The following CXADR variants were observed in gnomAD, a reference collection of about 807,000 sequenced individuals.
The protein encoded by CXADR is CXADR cell adhesion molecule.
In CXADR, 20 loss-of-function variants were observed where a neutral mutation model predicts 40.3. That is an observed-to-expected ratio of 0.50 (90% confidence interval 0.35 to 0.72). The LOEUF (loss-of-function observed/expected upper bound fraction) is 0.72. Among genes scored for constraint, CXADR ranks in the 30% least tolerant of loss-of-function variants. The probability of loss-of-function intolerance (pLI) is 0.01; values close to 1 mark genes in which losing one functional copy is unlikely to be tolerated. For synonymous variants in CXADR, 150 were observed against 161.3 expected (o/e 0.93, Z 0.53); for missense variants, 332 against 449.1 (o/e 0.74, Z 2.36).
In CXADR at chr21:17,565,472, G is replaced by T; in HGVS notation, c.878G>T (p.Ser293Ile). The T allele has an allele frequency of 6.2e-7, 1 of 1,613,954 alleles. No individual in the cohort carries two copies. The highest frequency in any genetic ancestry group is 8.5e-7 in the Non-Finnish European group (1 of 1,179,858). The stretch of plus-strand genomic sequence containing the variant: ...AAGAGCCGTACGTCCACTGCCAGAA[G>T]CTACATCGGCAGTAATCATTCATCC... ...PPKSRTSTAR[S>I]YIGSNHSSLG... The change falls in exon 7 of 7, where the codon AGC (serine) becomes ATC (isoleucine). Residue 293 changes from serine to isoleucine, a missense_variant. Coordinates refer to ENST00000284878, the MANE Select transcript of CXADR (RefSeq NM_001338.5).
rs373624775 is a variant in CXADR, at chr21:17,560,863, T to C, written c.694+39T>C. 10 of 1,610,080 alleles carry C rather than the reference T, an allele frequency of 6.2e-6. No homozygotes were observed. In the African/African-American group the frequency reaches 1.3e-4, roughly 22 times the overall value. Reference sequence around the variant, plus strand: ...TTTCTGTTGGTGGTTTTGTTTCTGTTATCTTTATACCACCTCCTTTAGTTC... The same window carrying C: ...TTTCTGTTGGTGGTTTTGTTTCTGTCATCTTTATACCACCTCCTTTAGTTC... On this transcript the variant is annotated intron_variant, in intron 5 of 6. Transcript: ENST00000284878.
chr21:17,604,204 A>G, the CXADR span: 5 of 1,046,468 alleles, frequency 4.8e-6, 1 homozygote, highest in Non-Finnish European at 6.3e-6. Context: ...GCGCTTTGGG[A>G]GGCCAAGGCG....
chr21:17,526,113 A>G (rs1458143712), intron 1 of CXADR, among the ~76,000 whole-genome samples: 3 of 152,202 alleles, frequency 2.0e-5, no homozygotes, highest in South Asian at 2.1e-4. Flanking sequence ...TGCACTAGCC[A>G]TGTTTCAAGT....
chr21:17,568,097 G>A lies in CXADR; in HGVS notation c.*2405G>A, dbSNP rs1313144598. The A allele has an allele frequency of 1.3e-5, 12 of 939,582 alleles. No homozygotes were observed. In the East Asian group the frequency reaches 3.6e-4, roughly 28 times the overall value. The allele number at this position is 939,582 out of a possible 1,614,324, so 58.2% of individuals were successfully genotyped here. On this transcript the variant is annotated 3_prime_UTR_variant, in exon 7 of 7. Transcript: ENST00000284878. ...AACAAAAAATTACTAAAGCATTTCC[G>A]TTAGATCAGTCAAGGACAGTACTGC...
chr21:17,546,990 A>G (rs1449518452), intron 1 of CXADR, 37 bp from the exon 2 acceptor site: 1 of 1,608,926 alleles, frequency 6.2e-7, no homozygotes, highest in Non-Finnish European at 8.5e-7. Flanking sequence ...GTCAGCGTAT[A>G]GCAAATGCTT....
At chr21:17,593,014 G>GGTAA (rs1265252824) in intron 7 of CXADR, 37 of 670,068 alleles carry the variant, frequency 5.5e-5, no homozygotes, top group Non-Finnish European at 7.7e-5. Flanking sequence ...TGATTTTTCT[G>GGTAA]GTAAGTCAAA....
chr21:17,530,659 C>A (rs1299537266), intron 1 of CXADR, among the ~76,000 whole-genome samples: 1 of 151,466 alleles, frequency 6.6e-6, no homozygotes, highest in African/African-American at 2.4e-5. Context: ...ACTAAAAATA[C>A]AAAAATTAGC....
the CXADR span, chr21:17,611,967 C>G: frequency 3.9e-5 from 6 of 152,238 alleles, no homozygotes; most frequent in African/African-American, 7.2e-5. Flanking sequence ...AGCCCCGGCC[C>G]GACCTCAGCG....
rs137965924 is a variant in CXADR, at chr21:17,581,976, C to T, written c.1018-11176C>T. Among the ~76,000 whole-genome samples the T allele has an allele frequency of 5.4e-3, 824 of 151,980 alleles. 4 individuals carry two copies. Among genetic ancestry groups the T allele is most frequent in the African/African-American group, 0.019 (771 of 41,428 alleles). ...TTTGTTTTGACGGCGTTTCACTCTT[C>T]GTTGCCCAGGCTGGAGTGCAGTGGC... On this transcript the variant is annotated intron_variant, in intron 7 of 7. Coordinates refer to the CXADR transcript ENST00000400169.
chr21:17,584,416 A>T (rs1049964408), intron 7 of CXADR, among the ~76,000 whole-genome samples: 1 of 152,230 alleles, frequency 6.6e-6, no homozygotes, highest in African/African-American at 2.4e-5. Flanking sequence ...TCACGTACAC[A>T]TCATCGTGCC....
the CXADR span, among the ~76,000 whole-genome samples, chr21:17,623,707 C>G: frequency 6.6e-6 from 1 of 152,180 alleles, no homozygotes; most frequent in Non-Finnish European, 1.5e-5. Context: ...CCCACAACTC[C>G]CACTAAACTT....
At chr21:17,607,948 T>C in the CXADR span, among the ~76,000 whole-genome samples, 2 of 152,198 alleles carry the variant, frequency 1.3e-5, no homozygotes, top group Admixed American at 1.3e-4. Context: ...ATGTACCTTA[T>C]ACAGCAGAGT....
rs767607873 is a variant in CXADR at position 17,561,406 on chromosome 21, C to T, written c.763C>T (p.Leu255Phe). The change falls in exon 6 of 7, where the codon CTT (leucine) becomes TTT (phenylalanine). Residue 255 changes from leucine (L) to phenylalanine (F), a missense_variant. Physicochemically the swap from Leu to Phe is conservative, Grantham distance 22 (BLOSUM62 0). Transcript: ENST00000284878. ...TTTGCTTGCTCTAGCGCTCATTGGT[C>T]TTATCATCTTTTGCTGTCGTAAAAA... ...GTLLALALIG[L>F]IIFCCRKKRR... 1.4e-5 allele frequency: 22 copies of T among 1,612,174 alleles called. No individual in the cohort carries two copies. The highest frequency in any genetic ancestry group is 1.9e-5 in the Non-Finnish European group (22 of 1,179,042).
At chr21:17,556,980 A>G (rs959204552) in intron 3 of CXADR, among the ~76,000 whole-genome samples, 1 of 152,258 alleles carries the variant, frequency 6.6e-6, no homozygotes, top group Admixed American at 6.5e-5. Flanking sequence ...TCCAGCAGTT[A>G]CTAAGACAAA....
At chr21:17,614,829 A>G in the CXADR span, among the ~76,000 whole-genome samples, 1 of 152,098 alleles carries the variant, frequency 6.6e-6, no homozygotes, top group African/African-American at 2.4e-5. Context: ...TCTCTCATCC[A>G]CTTCCCTTGC....
At chr21:17,619,302 G>A in the CXADR span, among the ~76,000 whole-genome samples, 1 of 152,198 alleles carries the variant, frequency 6.6e-6, no homozygotes. Context: ...GGTGGATCAT[G>A]TAAAACCAGG....
At chr21:17,593,659 C>G (rs2061464635), downstream of CXADR, 1 of 162,940 alleles carries the variant, frequency 6.1e-6, no homozygotes, top group African/African-American at 2.4e-5. Flanking sequence ...GTTGTCATGC[C>G]TCAAACTATT....
At chr21:17,591,077 T>C (rs2061431532) in intron 7 of CXADR, among the ~76,000 whole-genome samples, 1 of 152,078 alleles carries the variant, frequency 6.6e-6, no homozygotes, top group Admixed American at 6.6e-5. Flanking sequence ...AATCTTGGTC[T>C]GATAATGAAC....
chr21:17,530,964 A>G (rs1216732431), intron 1 of CXADR, among the ~76,000 whole-genome samples: 2 of 152,142 alleles, frequency 1.3e-5, no homozygotes, highest in Non-Finnish European at 2.9e-5. Context: ...TAGTTTTCCA[A>G]AGCTAATTGT....
Sources: gnomAD v4.1 joint callset for allele counts (sites outside exome capture counted in the v4.1 genomes callset) on GRCh38, gnomAD v4.1.1 for gene constraint, MANE v1.5 for transcripts, NCBI Gene and HGNC (gene_info 2026-07-23, HGNC 2026-07-21) for gene names.